DNAH12: variants seen among roughly 807,000 people sequenced by gnomAD.
DNAH12 encodes the protein dynein axonemal heavy chain 12, also known as axonemal beta dynein heavy chain 12.
DNAH12 carries 285 observed loss-of-function variants against 371.5 expected under a neutral mutation model. That is an observed-to-expected ratio of 0.77 (90% CI 0.70 to 0.85). The LOEUF (loss-of-function observed/expected upper bound fraction) is 0.85. Among genes scored for constraint, DNAH12 ranks in the 40% least tolerant of loss-of-function variants. The probability of loss-of-function intolerance (pLI) is 0.00; values close to 1 mark genes in which losing one functional copy is unlikely to be tolerated. For synonymous variants in DNAH12, 1,200 were observed against 1,213.0 expected (o/e 0.99, Z 0.22); for missense variants, 3,611 against 3,689.4 (o/e 0.98, Z 0.55).
At chr3:57,508,295 T>C (rs2067849757) in intron 7 of DNAH12, 87 bp downstream of exon 7, 2 of 1,257,884 alleles carry the variant, frequency 1.6e-6, no homozygotes, top group Admixed American at 6.1e-5. Context: ...GTGTTGAAGA[T>C]TTAGGATTCC....
intron 13 of DNAH12, among the ~76,000 whole-genome samples, chr3:57,481,151 G>T (rs2066729872): frequency 6.6e-6 from 1 of 152,214 alleles, no homozygotes; most frequent in African/African-American, 2.4e-5. Context: ...CAGATGACAT[G>T]ATTGTATATC....
At chr3:57,448,594 G>A (rs1043086700) in intron 25 of DNAH12, among the ~76,000 whole-genome samples, 11 of 152,208 alleles carry the variant, frequency 7.2e-5, no homozygotes, top group Non-Finnish European at 1.5e-4. Flanking sequence ...AGCTTCCACA[G>A]CGTGGAATAG....
At chr3:57,450,542 C>A (rs2065728852) in intron 25 of DNAH12, among the ~76,000 whole-genome samples, 3 of 152,218 alleles carry the variant, frequency 2.0e-5, no homozygotes, top group African/African-American at 7.2e-5. Context: ...GAGCGAAACT[C>A]CATCTCAAAA....
chr3:57,308,350 G>C (rs1027642500), intron 69 of DNAH12, among the ~76,000 whole-genome samples: 3 of 151,920 alleles, frequency 2.0e-5, no homozygotes, highest in African/African-American at 7.3e-5. Flanking sequence ...TGAACTAATG[G>C]TCTTTTAAAA....
Position 57,403,473 on chromosome 3 carries a change from A to G in DNAH12, c.6784T>C (p.Cys2262Arg). 6.5e-7 allele frequency: 1 copy of G among 1,549,298 alleles called. No homozygotes were observed. Among genetic ancestry groups the G allele is most frequent in the Non-Finnish European group, 8.7e-7 (1 of 1,146,334 alleles). ...RYVLEHLSRI[C>R]RVLKQSGGNA... The stretch of plus-strand genomic sequence containing the variant: ...CCACCAGATTGCTTTAGAACTCGAC[A>G]TATTCTTGATAAATGTTCCAAAACA... The change falls in exon 43 of 74, where the codon TGT becomes CGT. Residue 2262 changes from cysteine to arginine, a missense_variant. This residue lies in a region of DNAH12 where 2,266 missense variants were observed against 2,236.9 expected (regional missense o/e 1.01). Transcript: ENST00000495027.
intron 25 of DNAH12, among the ~76,000 whole-genome samples, chr3:57,449,531 C>T (rs557415997): frequency 2.6e-5 from 4 of 152,328 alleles, no homozygotes; most frequent in Middle Eastern, 3.4e-3. Context: ...TCGAGCGCAG[C>T]GCTGGTGGGC....
In DNAH12 at chr3:57,459,732, CT is replaced by C; in HGVS notation, c.2790del (p.Val931TyrfsTer8). The C allele has an allele frequency of 6.5e-7, 1 of 1,537,228 alleles. No individual in the cohort carries two copies. On this transcript the variant is annotated frameshift_variant, in exon 20 of 74. Transcript: ENST00000495027. LOFTEE classifies it high-confidence loss of function. ...TCTAAGTACAGCCATTGAGCTTGTA[CT>C]TTTAACCATTCATCAATTGTTTCTT... ...RIQETIDEWL[K>X]VQAQWLYLEP... is the part of the protein sequence containing the mutation.
chr3:57,502,309 T>C lies in DNAH12; in HGVS notation c.1243+14A>G, dbSNP rs1414447765. The C allele has an allele frequency of 4.3e-6, 7 of 1,613,116 alleles. No homozygotes were observed. The East Asian group carries it at 1.6e-4, about 36-fold the overall frequency. On this transcript the variant is annotated intron_variant, in intron 10 of 73. Coordinates refer to ENST00000495027, the MANE Select transcript of DNAH12 (RefSeq NM_001366028.2). ...TGATGACAAATGGTATAATATTATG[T>C]ATGTCATACACACCATATGTCTCAT...
intron 13 of DNAH12, among the ~76,000 whole-genome samples, chr3:57,473,591 G>A (rs995310712): frequency 6.6e-6 from 1 of 151,558 alleles, no homozygotes; most frequent in East Asian, 1.9e-4. Context: ...ATCTTTCATT[G>A]CTCTATAAGC....
rs1310216285 is a variant in DNAH12 at position 57,446,620 on chromosome 3, T to A, written c.3856A>T (p.Thr1286Ser). The A allele has an allele frequency of 1.4e-5, 22 of 1,550,060 alleles. No individual in the cohort carries two copies. Among genetic ancestry groups the A allele is most frequent in the Non-Finnish European group, 1.8e-5 (21 of 1,146,094 alleles). ...GCAAGAGCTTTAGCCAAGTCCTTGG[T>A]GGTTTCGGTTTTTCCTGTGCCTGCT... ...GPAGTGKTETTKDLAKALAVQ... is the reference protein window; with the variant it reads ...GPAGTGKTETSKDLAKALAVQ... Residue 1286 changes from threonine to serine, a missense_variant, in exon 26 of 74, where the codon ACC becomes TCC. Thr to Ser is a moderately conservative substitution (Grantham distance 58, BLOSUM62 1). Coordinates refer to ENST00000495027, the MANE Select transcript of DNAH12 (RefSeq NM_001366028.2).
chr3:57,463,635 A>G (rs1380589487), intron 17 of DNAH12, among the ~76,000 whole-genome samples: 1 of 152,166 alleles, frequency 6.6e-6, no homozygotes, highest in South Asian at 2.1e-4. Context: ...TTAACCTTCC[A>G]TTGGTTATCA....
At chr3:57,553,970 G>T in the DNAH12 span, among the ~76,000 whole-genome samples, 1 of 151,424 alleles carries the variant, frequency 6.6e-6, no homozygotes, top group Non-Finnish European at 1.5e-5. Context: ...GATTACAGGC[G>T]AACACCACTG....
intron 25 of DNAH12, among the ~76,000 whole-genome samples, chr3:57,447,781 C>A (rs1209001655): frequency 6.6e-6 from 1 of 152,086 alleles, no homozygotes; most frequent in Non-Finnish European, 1.5e-5. Context: ...TCAAGCAACC[C>A]TCCCACCTCA....
intron 11 of DNAH12, among the ~76,000 whole-genome samples, chr3:57,495,128 T>C (rs1368395748): frequency 2.0e-5 from 3 of 152,186 alleles, no homozygotes; most frequent in Non-Finnish European, 4.4e-5. Context: ...TACCAAAATA[T>C]GTGAAACAGT....
rs1297042584 is a variant in DNAH12 at position 57,453,277 on chromosome 3, T to C, written c.3583A>G (p.Arg1195Gly). 4 of 1,541,916 alleles carry C rather than the reference T, an allele frequency of 2.6e-6. No homozygotes were observed. The highest frequency in any genetic ancestry group is 3.5e-6 in the Non-Finnish European group (4 of 1,144,606). ...TTAATCATGTCCATGACCACATCTC[T>C]AGCATGGACATCAATAGTAACCAAA... ...GALVTIDVHARDVVMDMIKMG... is the reference protein window; with the variant it reads ...GALVTIDVHAGDVVMDMIKMG... Residue 1195 changes from arginine to glycine, a missense_variant, in exon 24 of 74, where the codon AGA (arginine) becomes GGA (glycine). This residue lies in a region of DNAH12 where 31 missense variants were observed against 53.8 expected (regional missense o/e 0.58). Transcript: ENST00000495027.
chr3:57,352,116 A>G lies in DNAH12; in HGVS notation c.9643T>C (p.Phe3215Leu). ...AGATTGGCACATAATAAAAAGGAAA[A>G]TAACAGCTTGTCCTTCTCAAATAGT... ...RSLFEKDKLL[F>L]SFLLCANLLL... is the part of the protein sequence containing the mutation. Residue 3215 changes from phenylalanine to leucine, a missense_variant, in exon 60 of 74, where the codon TTT (phenylalanine) becomes CTT (leucine). Phe to Leu is a conservative substitution (Grantham distance 22). Transcript: ENST00000495027. 6.5e-7 allele frequency: 1 copy of G among 1,530,090 alleles called. No individual in the cohort carries two copies. Among genetic ancestry groups the G allele is most frequent in the Non-Finnish European group, 8.8e-7 (1 of 1,141,588 alleles). 94.8% of individuals were successfully genotyped at this position (1,530,090 alleles called of 1,614,324 possible).
intron 30 of DNAH12, among the ~76,000 whole-genome samples, chr3:57,435,425 T>G (rs1374704134): frequency 2.9e-5 from 4 of 135,616 alleles, no homozygotes; most frequent in Non-Finnish European, 6.5e-5. Flanking sequence ...TTCAGGAGAA[T>G]AAAATGATTC....
In DNAH12 at chr3:57,413,834, T is replaced by C. The variant is rs1559631488; in HGVS notation, c.5932A>G (p.Ile1978Val). The C allele has an allele frequency of 6.4e-7, 1 of 1,551,248 alleles. No homozygotes were observed. The highest frequency in any genetic ancestry group is 8.7e-7 in the Non-Finnish European group (1 of 1,146,724). Reference sequence around the variant, plus strand: ...AATGCAGGCATATTCATATCATCTATAAAAATTATACACTTCTTTCCCATA... The same window carrying C: ...AATGCAGGCATATTCATATCATCTACAAAAATTATACACTTCTTTCCCATA... Reference protein sequence around the residue: ...PPMGKKCIIFIDDMNMPALEK... With the variant: ...PPMGKKCIIFVDDMNMPALEK... The change falls in exon 39 of 74, where the codon ATA (isoleucine) becomes GTA (valine). Residue 1978 changes from isoleucine to valine, a missense_variant. Around this residue, in one of 3 missense-constraint regions of DNAH12, gnomAD observed 2,266 missense variants for 2,236.9 expected, o/e 1.01. Coordinates refer to ENST00000495027, the MANE Select transcript of DNAH12 (RefSeq NM_001366028.2).
At chr3:57,352,312 A>G in intron 59 of DNAH12, 87 bp from the exon 60 acceptor site, 1 of 1,344,902 alleles carries the variant, frequency 7.4e-7, no homozygotes, top group Non-Finnish European at 1.0e-6. Context: ...TTTTTATTTT[A>G]TGAAAGTATC....
Sources: allele counts gnomAD v4.1 joint callset (sites outside exome capture counted in the v4.1 genomes callset), GRCh38; gene constraint gnomAD v4.1.1; regional missense constraint gnomAD v4.1.1; transcripts MANE v1.5; gene names NCBI Gene and HGNC (gene_info 2026-07-23, HGNC 2026-07-21).